ARNT2: variants seen among roughly 807,000 people sequenced by gnomAD.
ARNT2 encodes the protein ARNT protein 2.
A neutral mutation model predicts 91.7 loss-of-function variants in ARNT2; 36 were observed. That is an observed-to-expected ratio of 0.39 (90% CI 0.30 to 0.52). The LOEUF is 0.52. Ranked by LOEUF, ARNT2 falls within the 20% of genes least tolerant of loss-of-function variation. The pLI, the probability that ARNT2 is intolerant of heterozygous loss-of-function variation, is 0.72. For synonymous variants in ARNT2, 365 were observed against 347.1 expected (o/e 1.05, Z -0.57); for missense variants, 775 against 939.3 (o/e 0.83, Z 2.29).
chr15:80,464,000 GAT>G (rs1896608477), intron 3 of ARNT2, among the ~76,000 whole-genome samples: 2 of 152,216 alleles, frequency 1.3e-5, no homozygotes, highest in African/African-American at 4.8e-5. Flanking sequence ...GATTTGAAAT[GAT>G]AGTGCCTGGA....
chr15:80,552,560 G>A, intron 9 of ARNT2, 80 bp from the exon 10 acceptor site: 1 of 1,519,516 alleles, frequency 6.6e-7, no homozygotes, highest in Non-Finnish European at 9.0e-7. Context: ...AATGCACATG[G>A]ATTATTCTTC....
chr15:80,425,543 T>C (rs373068036), intron 1 of ARNT2, among the ~76,000 whole-genome samples: 13 of 152,174 alleles, frequency 8.5e-5, no homozygotes, highest in African/African-American at 3.1e-4. Context: ...AATATTACAA[T>C]CTTTTTTGAT....
intron 18 of ARNT2, among the ~76,000 whole-genome samples, chr15:80,592,837 G>A (rs1410161671): frequency 6.6e-6 from 1 of 152,168 alleles, no homozygotes; most frequent in Non-Finnish European, 1.5e-5. Flanking sequence ...AAGAATTCTT[G>A]GCCAAATAAG....
At chr15:80,574,256 G>A in intron 13 of ARNT2, 36 bp downstream of exon 13, 1 of 1,595,090 alleles carries the variant, frequency 6.3e-7, no homozygotes, top group Non-Finnish European at 8.6e-7. Context: ...TGTTGGAATT[G>A]TCTCCAGCCC....
intron 5 of ARNT2, among the ~76,000 whole-genome samples, chr15:80,503,443 C>T (rs550912088): frequency 2.0e-5 from 3 of 152,340 alleles, no homozygotes; most frequent in East Asian, 1.9e-4. Context: ...GAGAAATAAA[C>T]GTTGAAGCTG....
intron 1 of ARNT2, among the ~76,000 whole-genome samples, chr15:80,426,096 G>T (rs1372806253): frequency 1.5e-5 from 2 of 134,912 alleles, no homozygotes; most frequent in Non-Finnish European, 3.2e-5. Context: ...AACTCTATAG[G>T]ATACGTTTCT....
At chr15:80,414,510 T>C (rs1289311844) in intron 1 of ARNT2, among the ~76,000 whole-genome samples, 1 of 152,202 alleles carries the variant, frequency 6.6e-6, no homozygotes, top group Non-Finnish European at 1.5e-5. Context: ...TGTGACAGCT[T>C]TAAAAGCAAG....
chr15:80,443,068 T>G (rs1163700279), intron 1 of ARNT2: 2 of 975,932 alleles, frequency 2.0e-6, no homozygotes, highest in Non-Finnish European at 2.4e-6. Flanking sequence ...CTGGACTGGG[T>G]AGGGGAGGGG....
At chr15:80,566,592 G>A (rs772246919) in intron 12 of ARNT2, among the ~76,000 whole-genome samples, 3 of 152,166 alleles carry the variant, frequency 2.0e-5, no homozygotes, top group African/African-American at 7.2e-5. Flanking sequence ...CCTGCCAGAC[G>A]TGTCTGTGGG....
chr15:80,414,662 A>T (rs760229413), intron 1 of ARNT2, among the ~76,000 whole-genome samples: 3 of 152,236 alleles, frequency 2.0e-5, no homozygotes, highest in Non-Finnish European at 4.4e-5. Flanking sequence ...AATGAGGCAT[A>T]GTCTGGAATC....
intron 17 of ARNT2, among the ~76,000 whole-genome samples, chr15:80,586,050 C>T (rs1036902552): frequency 6.6e-5 from 10 of 152,102 alleles, no homozygotes; most frequent in Admixed American, 6.6e-4. Flanking sequence ...ATGTATATGA[C>T]CTGAATCCTC....
intron 5 of ARNT2, among the ~76,000 whole-genome samples, chr15:80,484,195 AC>A (rs892400021): frequency 7.2e-5 from 11 of 152,194 alleles, no homozygotes; most frequent in South Asian, 6.2e-4. Context: ...AAAAAAAAAA[AC>A]AACTTGATTT....
intron 11 of ARNT2, among the ~76,000 whole-genome samples, chr15:80,559,699 TA>T (rs1898289319): frequency 1.3e-5 from 2 of 152,162 alleles, no homozygotes; most frequent in African/African-American, 4.8e-5. Flanking sequence ...ACAGTTTACC[TA>T]TAAGTCAAAA....
intron 14 of ARNT2, among the ~76,000 whole-genome samples, chr15:80,576,320 A>G (rs543790168): frequency 6.6e-6 from 1 of 152,006 alleles, no homozygotes; most frequent in Admixed American, 6.6e-5. Context: ...TCTGTCGCCC[A>G]GGCTGGAGTG....
chr15:80,433,253 TTTTATTTTA>T (rs1346843051), intron 1 of ARNT2, among the ~76,000 whole-genome samples: 9 of 32,224 alleles, frequency 2.8e-4, no homozygotes, highest in African/African-American at 1.3e-4. Context: ...TTTTATTTTA[TTTTATTTTA>T]TTTTATTTTA....
intron 6 of ARNT2, among the ~76,000 whole-genome samples, chr15:80,512,014 C>G (rs1284683819): frequency 6.6e-6 from 1 of 152,142 alleles, no homozygotes; most frequent in Non-Finnish European, 1.5e-5. Context: ...ACTAATGTCA[C>G]CCTCACCTAA....
intron 5 of ARNT2, among the ~76,000 whole-genome samples, chr15:80,499,451 G>T (rs1897163035): frequency 6.6e-6 from 1 of 152,230 alleles, no homozygotes; most frequent in African/African-American, 2.4e-5. Context: ...CTATTTGGTT[G>T]CAGGTGACAG....
Position 80,593,750 on chromosome 15 carries a change from C to T in ARNT2, c.*52C>T, listed in dbSNP as rs371313501. 6.6e-6 allele frequency: 10 copies of T among 1,505,042 alleles called. No individual in the cohort carries two copies. The highest frequency in any genetic ancestry group is 1.4e-5 in the African/African-American group (1 of 72,638). 93.2% of individuals were successfully genotyped at this position (1,505,042 alleles called of 1,614,324 possible). A position where few individuals can be genotyped will look rare whatever the true frequency, so the allele number is the denominator to read the frequency against. On this transcript the variant is annotated 3_prime_UTR_variant, in exon 19 of 19. Transcript: ENST00000303329. Reference sequence around the variant, plus strand: ...TACAGTGCCACCCATACTGTGATGTCGATGCCCATGTGAATGAGGCCCACC... The same window carrying T: ...TACAGTGCCACCCATACTGTGATGTTGATGCCCATGTGAATGAGGCCCACC...
At chr15:80,504,780 A>G (rs1337596887) in intron 5 of ARNT2, among the ~76,000 whole-genome samples, 2 of 117,318 alleles carry the variant, frequency 1.7e-5, no homozygotes, top group Non-Finnish European at 3.5e-5. Context: ...AGAAAAAAAA[A>G]AAAATGGAAA....
Sources: allele counts gnomAD v4.1 joint callset (sites outside exome capture counted in the v4.1 genomes callset), GRCh38; gene constraint gnomAD v4.1.1; transcripts MANE v1.5; gene names NCBI Gene and HGNC (gene_info 2026-07-23, HGNC 2026-07-21).